Variants in ZSCAN5A observed in about 807,000 individuals in gnomAD.
ZSCAN5A encodes zinc finger and SCAN domain containing 5A.
A neutral mutation model predicts 23.7 loss-of-function variants in ZSCAN5A; 12 were observed. The ratio of observed to expected loss-of-function variants is 0.51; its 90% CI spans 0.32 to 0.82. The LOEUF is 0.82. ZSCAN5A is among the 40% of genes least tolerant of loss of function. The pLI is 0.03. For synonymous variants in ZSCAN5A, 257 were observed against 239.9 expected (o/e 1.07, Z -0.66); for missense variants, 597 against 617.9 (o/e 0.97, Z 0.36).
At chr19:56,295,549 C>G (rs1002762135) in intron 2 of ZSCAN5A, among the ~76,000 whole-genome samples, 1 of 151,984 alleles carries the variant, frequency 6.6e-6, no homozygotes. Flanking sequence ...GAGCCGAGAT[C>G]GTCCCACTGC....
intron 2 of ZSCAN5A, among the ~76,000 whole-genome samples, chr19:56,302,604 TTCCTCTCCCTCTTCC>T (rs1409290330): frequency 3.2e-4 from 19 of 60,192 alleles, no homozygotes; most frequent in East Asian, 7.3e-4. Flanking sequence ...CTCCCTCTTC[TTCCTCTCCCTCTTCC>T]TCCCTCCCTC....
intron 2 of ZSCAN5A, among the ~76,000 whole-genome samples, chr19:56,273,791 T>C (rs891097497): frequency 1.3e-5 from 2 of 151,854 alleles, no homozygotes; most frequent in African/African-American, 4.8e-5. Flanking sequence ...ACAGGAAAAA[T>C]GTTGGATGTT....
chr19:56,288,491 C>G (rs553644027), intron 2 of ZSCAN5A, among the ~76,000 whole-genome samples: 1 of 152,290 alleles, frequency 6.6e-6, no homozygotes, highest in East Asian at 1.9e-4. Context: ...CAGGTCTACC[C>G]AGAATACTCA....
At chr19:56,357,584 G>GA (rs958550001) in intron 2 of ZSCAN5A, among the ~76,000 whole-genome samples, 3 of 146,256 alleles carry the variant, frequency 2.1e-5, no homozygotes, top group African/African-American at 7.8e-5. Flanking sequence ...CTGTCCACAT[G>GA]AAAAAAAATC....
intron 2 of ZSCAN5A, chr19:56,282,353 T>C (rs1268785171): frequency 3.2e-6 from 1 of 312,252 alleles, no homozygotes; most frequent in Non-Finnish European, 4.7e-6. Context: ...TTCCCTAACC[T>C]ATCTCAGGAC....
intron 2 of ZSCAN5A, among the ~76,000 whole-genome samples, chr19:56,242,801 G>T (rs1482355240): frequency 6.6e-6 from 1 of 151,676 alleles, no homozygotes; most frequent in East Asian, 1.9e-4. Flanking sequence ...TTTTTGAGAC[G>T]GAGTCTCGCT....
chr19:56,234,332 A>C (rs2034702709), intron 2 of ZSCAN5A, among the ~76,000 whole-genome samples: 1 of 152,232 alleles, frequency 6.6e-6, no homozygotes, highest in Non-Finnish European at 1.5e-5. Flanking sequence ...GTTTGCAGCC[A>C]TGCAGGGTGA....
intron 2 of ZSCAN5A, chr19:56,285,079 A>T: frequency 3.3e-6 from 3 of 901,702 alleles, no homozygotes; most frequent in Non-Finnish European, 4.0e-6. Flanking sequence ...CCGCAAGGTA[A>T]TGTAGACTTA....
intron 2 of ZSCAN5A, chr19:56,298,289 A>C (rs1248462876): frequency 6.6e-6 from 1 of 152,200 alleles, no homozygotes; most frequent in Admixed American, 6.5e-5. Flanking sequence ...GAAAGTTTAG[A>C]TAAAACGGAC....
intron 2 of ZSCAN5A, among the ~76,000 whole-genome samples, chr19:56,307,795 G>A (rs956536936): frequency 6.6e-6 from 1 of 152,158 alleles, no homozygotes; most frequent in African/African-American, 2.4e-5. Flanking sequence ...GCTATATTTT[G>A]GGTACACACC....
intron 2 of ZSCAN5A, chr19:56,321,381 G>T: frequency 1.6e-6 from 1 of 640,450 alleles, no homozygotes; most frequent in South Asian, 1.7e-5. Context: ...CAGTTGGCTG[G>T]CAGATAGCTG....
chr19:56,302,660 T>G (rs557239890), intron 2 of ZSCAN5A, among the ~76,000 whole-genome samples: 5 of 88,624 alleles, frequency 5.6e-5, no homozygotes, highest in African/African-American at 2.3e-4. Flanking sequence ...CCCCCCTCCC[T>G]GTTCTTTCCT....
At chr19:56,223,908 C>T in intron 3 of ZSCAN5A, 74 bp from the exon 4 acceptor site, 1 of 1,306,210 alleles carries the variant, frequency 7.7e-7, no homozygotes, top group Non-Finnish European at 1.1e-6. Context: ...TGGGTCCTGC[C>T]ATAATGCTCA....
intron 2 of ZSCAN5A, among the ~76,000 whole-genome samples, chr19:56,245,043 TA>T (rs1184325176): frequency 6.6e-6 from 1 of 152,190 alleles, no homozygotes; most frequent in East Asian, 1.9e-4. Context: ...CATATTTATG[TA>T]CTTATGTAGA....
In ZSCAN5A at chr19:56,221,530, C is replaced by A; in HGVS notation, c.*45G>T. The A allele has an allele frequency of 2.6e-6, 4 of 1,525,966 alleles. No individual in the cohort carries two copies. The highest frequency in any genetic ancestry group is 2.7e-5 in the South Asian group (2 of 75,258). The allele number at this position is 1,525,966 out of a possible 1,614,324, so 94.5% of individuals were successfully genotyped here. A position where few individuals can be genotyped will look rare whatever the true frequency, so the allele number is the denominator to read the frequency against. ...ATCTGATAACATTGATGAAAAATAT[C>A]ATTCACTTCTTCTTGGTGCAGAAGG... is the stretch of plus-strand genomic sequence containing the variant. On this transcript the variant is annotated 3_prime_UTR_variant, in exon 6 of 6. Transcript: ENST00000683990.
intron 2 of ZSCAN5A, among the ~76,000 whole-genome samples, chr19:56,311,449 A>T (rs545724781): frequency 1.3e-5 from 2 of 152,354 alleles, no homozygotes; most frequent in Non-Finnish European, 2.9e-5. Flanking sequence ...AATGCAACTC[A>T]ACTAGCTCTG....
At chr19:56,254,563 A>G (rs897637641) in intron 2 of ZSCAN5A, among the ~76,000 whole-genome samples, 2 of 152,202 alleles carry the variant, frequency 1.3e-5, no homozygotes, top group African/African-American at 4.8e-5. Flanking sequence ...TGCAATGAAC[A>G]TAGGAGTATG....
At chr19:56,327,486 T>A (rs1477513643) in intron 2 of ZSCAN5A, among the ~76,000 whole-genome samples, 1 of 150,488 alleles carries the variant, frequency 6.6e-6, no homozygotes. Flanking sequence ...ATATTATGTT[T>A]TATAATGTAC....
intron 2 of ZSCAN5A, among the ~76,000 whole-genome samples, chr19:56,258,814 T>C (rs1015788825): frequency 1.3e-5 from 2 of 152,124 alleles, no homozygotes; most frequent in African/African-American, 2.4e-5. Flanking sequence ...AGAAGGGACA[T>C]TGCGTGACTC....
Sources: gnomAD v4.1 joint callset for allele counts (sites outside exome capture counted in the v4.1 genomes callset) on GRCh38, gnomAD v4.1.1 for gene constraint, MANE v1.5 for transcripts, NCBI Gene and HGNC (gene_info 2026-07-23, HGNC 2026-07-21) for gene names.